The following SRBD1 variants were observed in gnomAD, a reference collection of about 807,000 sequenced individuals.
SRBD1 encodes the protein S1 RNA binding domain 1, also known as S1 RNA-binding domain-containing protein 1.
SRBD1 carries 88 observed loss-of-function variants against 115.3 expected under a neutral mutation model. The observed-to-expected ratio is 0.76, with a 90% CI of 0.64 to 0.91. The LOEUF (loss-of-function observed/expected upper bound fraction) is 0.91. SRBD1 is among the 40% of genes least tolerant of loss of function. The probability of loss-of-function intolerance (pLI) is 0.00; values close to 1 mark genes in which losing one functional copy is unlikely to be tolerated. For missense variants in SRBD1, 1,385 were observed against 1,177.4 expected (o/e 1.18, Z -2.58); for synonymous variants, 509 against 407.7 (o/e 1.25, Z -2.99).
intron 10 of SRBD1, among the ~76,000 whole-genome samples, chr2:45,556,165 C>A (rs1311472742): frequency 6.6e-6 from 1 of 152,102 alleles, no homozygotes; most frequent in Non-Finnish European, 1.5e-5. Context: ...GGATATACAT[C>A]CTTCCTTCCA....
At position 45,495,066 on chromosome 2, in the gene SRBD1, T is replaced by C. The variant is rs567672959; in HGVS notation, c.1875-6735A>G. Among the ~76,000 whole-genome samples the C allele has an allele frequency of 7.2e-5, 11 of 152,324 alleles. 1 individual carries two copies. In the South Asian group the frequency reaches 2.3e-3, roughly 32 times the overall value. ...TAAAAAGTCTACCAACCAGAGGATC[T>C]AAGTATACTCCAGGATGGACATCCT... On this transcript the variant is annotated intron_variant, in intron 14 of 20. Coordinates refer to ENST00000263736, the MANE Select transcript of SRBD1 (RefSeq NM_018079.5).
At chr2:45,439,070 T>C (rs1474409610) in intron 16 of SRBD1, among the ~76,000 whole-genome samples, 1 of 151,976 alleles carries the variant, frequency 6.6e-6, no homozygotes, top group Non-Finnish European at 1.5e-5. Context: ...CAGGAGACAA[T>C]GAAACGGTAT....
At chr2:45,493,942 C>CA (rs574993558) in intron 14 of SRBD1, among the ~76,000 whole-genome samples, 54 of 151,928 alleles carry the variant, frequency 3.6e-4, no homozygotes, top group African/African-American at 1.3e-3. Flanking sequence ...AAAATCAGAT[C>CA]AAAAATCACA....
intron 3 of SRBD1, 32 bp downstream of exon 3, chr2:45,601,871 C>T: frequency 1.2e-6 from 2 of 1,609,902 alleles, no homozygotes; most frequent in Non-Finnish European, 1.7e-6. Context: ...GAAGACACTA[C>T]AGAGTTCCCT....
intron 15 of SRBD1, among the ~76,000 whole-genome samples, chr2:45,484,239 T>C (rs765502568): frequency 6.6e-6 from 1 of 152,166 alleles, no homozygotes; most frequent in Non-Finnish European, 1.5e-5. Context: ...TTAAGTGTTT[T>C]GCCCAGTGGT....
intron 14 of SRBD1, among the ~76,000 whole-genome samples, chr2:45,501,390 G>A (rs1173996609): frequency 1.3e-5 from 2 of 152,162 alleles, no homozygotes; most frequent in African/African-American, 2.4e-5. Flanking sequence ...CACAGAACAC[G>A]GGTGATTTCT....
intron 16 of SRBD1, among the ~76,000 whole-genome samples, chr2:45,428,577 A>C (rs138355172): frequency 0.025 from 3,176 of 125,920 alleles, 119 homozygotes; most frequent in African/African-American, 0.078. Context: ...TAAATAAATA[A>C]ATAAATACAT....
chr2:45,397,837 G>T (rs1667189515), intron 19 of SRBD1, among the ~76,000 whole-genome samples: 1 of 152,170 alleles, frequency 6.6e-6, no homozygotes, highest in African/African-American at 2.4e-5. Flanking sequence ...GGGCTCAAGA[G>T]ATCCACCCAC....
chr2:45,479,681 A>C (rs1669904141), intron 15 of SRBD1, among the ~76,000 whole-genome samples: 1 of 152,232 alleles, frequency 6.6e-6, no homozygotes. Flanking sequence ...TGAAACAGCA[A>C]TTGCTGATGT....
At chr2:45,559,484 C>T (rs1206982652) in intron 10 of SRBD1, among the ~76,000 whole-genome samples, 2 of 152,138 alleles carry the variant, frequency 1.3e-5, no homozygotes. Context: ...TCAACATACT[C>T]GTAATGATTT....
chr2:45,567,888 T>C (rs1410562031), intron 9 of SRBD1: 2 of 152,178 alleles, frequency 1.3e-5, no homozygotes, highest in Non-Finnish European at 2.9e-5. Context: ...TATTGGAGGT[T>C]TTTTGCTCTT....
At chr2:45,502,702 G>A (rs1298979331) in intron 14 of SRBD1, among the ~76,000 whole-genome samples, 4 of 151,758 alleles carry the variant, frequency 2.6e-5, no homozygotes, top group African/African-American at 9.7e-5. Context: ...GAAGGGGGAG[G>A]GATAGCATTA....
At chr2:45,393,942 A>G (rs1667075213) in intron 19 of SRBD1, among the ~76,000 whole-genome samples, 2 of 152,192 alleles carry the variant, frequency 1.3e-5, no homozygotes, top group South Asian at 4.1e-4. Flanking sequence ...TGTGCAGCAT[A>G]CCATCAGCTT....
intron 1 of SRBD1, among the ~76,000 whole-genome samples, chr2:45,608,691 G>A (rs1674348565): frequency 6.6e-6 from 1 of 152,032 alleles, no homozygotes; most frequent in Admixed American, 6.5e-5. Context: ...ATGTCTCACA[G>A]TTAACTTAAC....
At chr2:45,564,735 G>C (rs897636164) in intron 9 of SRBD1, among the ~76,000 whole-genome samples, 3 of 152,140 alleles carry the variant, frequency 2.0e-5, no homozygotes, top group African/African-American at 4.8e-5. Context: ...GGTTTAAACT[G>C]CATGTGTTGA....
At chr2:45,402,918 A>AG (rs915583692) in intron 19 of SRBD1, among the ~76,000 whole-genome samples, 1 of 152,132 alleles carries the variant, frequency 6.6e-6, no homozygotes, top group Admixed American at 6.6e-5. Flanking sequence ...ACAAAAACAG[A>AG]GGGGGTAGTA....
chr2:45,566,564 A>G (rs1038268644), intron 9 of SRBD1, among the ~76,000 whole-genome samples: 5 of 152,206 alleles, frequency 3.3e-5, no homozygotes, highest in Admixed American at 6.5e-5. Context: ...TATTTGGGAG[A>G]AAAATGTCCT....
chr2:45,537,129 C>T (rs776510652), intron 14 of SRBD1, among the ~76,000 whole-genome samples: 2 of 152,164 alleles, frequency 1.3e-5, no homozygotes, highest in African/African-American at 2.4e-5. Flanking sequence ...AAAACATAGG[C>T]TCATACGACA....
chr2:45,413,913 C>CCTA (rs1667681743), intron 18 of SRBD1, among the ~76,000 whole-genome samples: 2 of 151,606 alleles, frequency 1.3e-5, no homozygotes, highest in South Asian at 4.2e-4. Context: ...GTTTGGGCAA[C>CCTA]AGAGGGAGAG....
Sources: gnomAD v4.1 joint callset for allele counts (sites outside exome capture counted in the v4.1 genomes callset) on GRCh38, gnomAD v4.1.1 for gene constraint, MANE v1.5 for transcripts, NCBI Gene and HGNC (gene_info 2026-07-23, HGNC 2026-07-21) for gene names.